ADAMTS9: variants seen among roughly 807,000 people sequenced by gnomAD.
ADAMTS9 encodes the protein ADAM metallopeptidase with thrombospondin type 1 motif 9, also known as A disintegrin and metalloproteinase with thrombospondin motifs 9.
Under a neutral mutation model 257.1 loss-of-function variants are expected in ADAMTS9, and 107 were observed. That is an observed-to-expected ratio of 0.42 (90% CI 0.36 to 0.49). The LOEUF (loss-of-function observed/expected upper bound fraction) is 0.49. Ranked by LOEUF, ADAMTS9 falls within the 20% of genes least tolerant of loss-of-function variation. The probability of loss-of-function intolerance (pLI) is 0.03; values close to 1 mark genes in which losing one functional copy is unlikely to be tolerated. For missense variants in ADAMTS9, 2,353 were observed against 2,469.1 expected (o/e 0.95, Z 1.00); for synonymous variants, 982 against 880.9 (o/e 1.11, Z -2.03).
chr3:64,528,331 C>T lies in ADAMTS9; in HGVS notation c.5718+4835G>A, dbSNP rs759666374. Among the ~76,000 whole-genome samples, 80 of 152,114 alleles carry T rather than the reference C, an allele frequency of 5.3e-4. 1 individual carries two copies. Among genetic ancestry groups the T allele is most frequent in the Non-Finnish European group, 1.0e-3 (69 of 68,028 alleles). On this transcript the variant is annotated intron_variant, in intron 38 of 39. Transcript: ENST00000498707. ...TGAAGGGAACTTTCACATTCCCACACGTTGGAGAGTTGAGGGTATACAGCG... is the reference window on the plus strand; with the variant it reads ...TGAAGGGAACTTTCACATTCCCACATGTTGGAGAGTTGAGGGTATACAGCG...
chr3:64,687,341 G>T lies in ADAMTS9; in HGVS notation c.115+202C>A, dbSNP rs918279056. ...TATCTGGCAACAGCAAGGTAGGGGG[G>T]GGTTGCCTAAATTCGTTTCCATAGT... On this transcript the variant is annotated intron_variant, in intron 1 of 39. Transcript: ENST00000498707. The surrounding 1 kb of genome is among the most constrained non-coding windows in gnomAD (Gnocchi z 4.4). Among the ~76,000 whole-genome samples the T allele has an allele frequency of 6.6e-6, 1 of 152,192 alleles. No individual in the cohort carries two copies. Among genetic ancestry groups the T allele is most frequent in the Non-Finnish European group, 1.5e-5 (1 of 68,034 alleles).
intron 3 of ADAMTS9, among the ~76,000 whole-genome samples, chr3:64,677,027 C>G (rs769138317): frequency 2.0e-5 from 3 of 152,096 alleles, no homozygotes; most frequent in Non-Finnish European, 4.4e-5. Context: ...AGAGAGTGTC[C>G]GTGAAACAGA....
chr3:64,580,503 A>C (rs2083971810), intron 28 of ADAMTS9, among the ~76,000 whole-genome samples: 1 of 152,166 alleles, frequency 6.6e-6, no homozygotes, highest in African/African-American at 2.4e-5. Flanking sequence ...CCGTGTCCAG[A>C]AAGACCAAAT....
chr3:64,601,909 G>T, intron 26 of ADAMTS9, 35 bp downstream of exon 26: 1 of 1,552,536 alleles, frequency 6.4e-7, no homozygotes, highest in Non-Finnish European at 8.7e-7. Context: ...AACCTCAAGT[G>T]AAAGAGAAGC....
At chr3:64,644,725 C>T (rs1700742164) in intron 11 of ADAMTS9, among the ~76,000 whole-genome samples, 1 of 152,140 alleles carries the variant, frequency 6.6e-6, no homozygotes. Flanking sequence ...TACATTTTTT[C>T]CCTCTTAACA....
intron 32 of ADAMTS9, 92 bp from the exon 33 acceptor site, chr3:64,542,062 T>C (rs990201923): frequency 3.9e-5 from 59 of 1,522,992 alleles, no homozygotes; most frequent in Non-Finnish European, 4.9e-5. Flanking sequence ...GATGTCATCA[T>C]GTACAGGGTG....
rs111995161 is a variant in ADAMTS9 at position 64,659,371 on chromosome 3, C to T, written c.680-580G>A. ...TAATCCCAACTACTCAGGAGGCTGA[C>T]GCACGAGAATTGCTTGAACCCAGGA... On this transcript the variant is annotated intron_variant, in intron 3 of 39. Transcript: ENST00000498707. 3.3e-3 allele frequency among the ~76,000 whole-genome samples: 500 copies of T among 151,232 alleles called. 4 individuals are homozygous for T. In the Middle Eastern group the frequency reaches 0.034, roughly 10 times the overall value.
At chr3:64,646,669 T>C (rs1576156829) in intron 11 of ADAMTS9, among the ~76,000 whole-genome samples, 1 of 152,200 alleles carries the variant, frequency 6.6e-6, no homozygotes, top group East Asian at 1.9e-4. Flanking sequence ...TCATTATAAG[T>C]TTTTATTTTC....
intron 26 of ADAMTS9, among the ~76,000 whole-genome samples, chr3:64,599,301 T>C (rs190169983): frequency 6.6e-4 from 101 of 152,364 alleles, no homozygotes; most frequent in African/African-American, 2.4e-3. Flanking sequence ...GTCTGGACTT[T>C]TGTTAACAAA....
intron 3 of ADAMTS9, among the ~76,000 whole-genome samples, chr3:64,675,928 T>A (rs1195673714): frequency 6.6e-6 from 1 of 152,174 alleles, no homozygotes; most frequent in Non-Finnish European, 1.5e-5. Flanking sequence ...TGGCTTTAAT[T>A]ATCATCTTAT....
intron 22 of ADAMTS9, among the ~76,000 whole-genome samples, chr3:64,611,932 G>A (rs73832341): frequency 0.033 from 5,064 of 152,150 alleles, 232 homozygotes; most frequent in African/African-American, 0.1. Context: ...TGATTTGTTC[G>A]CTTTAAAATG....
Position 64,551,019 on chromosome 3 carries a change from A to G in ADAMTS9, c.4742T>C (p.Val1581Ala). ...CGEGSRYRKV[V>A]CVDDNKNEVH... ...CTCGTTTTTGTTGTCATCCACACAC[A>G]CCACCTTGCGGTACCTGGAGCCTTC... Residue 1581 changes from valine (V) to alanine (A), a missense_variant, in exon 31 of 40, where the codon GTG (valine) becomes GCG (alanine). Transcript: ENST00000498707. 2 of 1,614,146 alleles carry G rather than the reference A, an allele frequency of 1.2e-6. No homozygotes were observed. The highest frequency in any genetic ancestry group is 1.7e-6 in the Non-Finnish European group (2 of 1,180,022).
intron 16 of ADAMTS9, among the ~76,000 whole-genome samples, chr3:64,627,306 A>T (rs1414077718): frequency 3.9e-5 from 6 of 152,104 alleles, no homozygotes; most frequent in Non-Finnish European, 7.3e-5. Flanking sequence ...GAAAGAGAGG[A>T]GCACAAATGA....
chr3:64,663,240 T>G (rs547783947), intron 3 of ADAMTS9, among the ~76,000 whole-genome samples: 1 of 152,234 alleles, frequency 6.6e-6, no homozygotes, highest in Admixed American at 6.5e-5. Flanking sequence ...ACAGTTTAAA[T>G]GGGTGAATAA....
intron 3 of ADAMTS9, among the ~76,000 whole-genome samples, chr3:64,675,170 G>A (rs1192489378): frequency 6.6e-6 from 1 of 152,148 alleles, no homozygotes; most frequent in Non-Finnish European, 1.5e-5. Context: ...TATAACCTCA[G>A]GCAAGTCAAC....
chr3:64,538,873 C>T (rs932838371), intron 37 of ADAMTS9, among the ~76,000 whole-genome samples: 10 of 152,072 alleles, frequency 6.6e-5, no homozygotes, highest in African/African-American at 1.7e-4. Flanking sequence ...ACTAGCACTC[C>T]GCTGACTGTA....
At chr3:64,596,740 G>A in intron 27 of ADAMTS9, 90 bp downstream of exon 27, 1 of 1,510,880 alleles carries the variant, frequency 6.6e-7, no homozygotes, top group Non-Finnish European at 9.0e-7. Flanking sequence ...ACTAGAGCTA[G>A]TTCTTCTCCT....
At chr3:64,546,694 A>C (rs2083203990) in intron 32 of ADAMTS9, 64 bp downstream of exon 32, 2 of 1,489,526 alleles carry the variant, frequency 1.3e-6, no homozygotes, top group Non-Finnish European at 1.8e-6. Flanking sequence ...GTTAGGCAGG[A>C]CATGTTTAAG....
chr3:64,677,742 C>T (rs908508631), intron 3 of ADAMTS9, among the ~76,000 whole-genome samples: 2 of 152,154 alleles, frequency 1.3e-5, no homozygotes, highest in Non-Finnish European at 2.9e-5. Context: ...TACATGTTAT[C>T]CTCACTTTAT....
Sources: gnomAD v4.1 joint callset for allele counts (sites outside exome capture counted in the v4.1 genomes callset) on GRCh38, gnomAD v4.1.1 for gene constraint, Gnocchi (gnomAD v3.1) non-coding constraint, MANE v1.5 for transcripts, NCBI Gene and HGNC (gene_info 2026-07-23, HGNC 2026-07-21) for gene names.